The following RCAN1 variants were observed in gnomAD, a reference collection of about 807,000 sequenced individuals.
RCAN1 encodes regulator of calcineurin 1.
Under a neutral mutation model 22.9 loss-of-function variants are expected in RCAN1, and 11 were observed. The ratio of observed to expected loss-of-function variants is 0.48; its 90% CI spans 0.30 to 0.79. RCAN1 has a LOEUF of 0.79. Ranked by LOEUF, RCAN1 falls within the 30% of genes least tolerant of loss-of-function variation. RCAN1 has a pLI of 0.06. For synonymous variants in RCAN1, 136 were observed against 142.3 expected (o/e 0.96, Z 0.32); for missense variants, 291 against 337.8 (o/e 0.86, Z 1.09).
At chr21:34,575,228 T>A (rs1373850876) in intron 1 of RCAN1, among the ~76,000 whole-genome samples, 1 of 152,210 alleles carries the variant, frequency 6.6e-6, no homozygotes. Flanking sequence ...GCCTGCACAG[T>A]GTGCATCACA....
intron 1 of RCAN1, among the ~76,000 whole-genome samples, chr21:34,539,794 A>G (rs901926460): frequency 6.6e-6 from 1 of 152,228 alleles, no homozygotes; most frequent in Non-Finnish European, 1.5e-5. Flanking sequence ...AGTGCTAGTT[A>G]TTGAAAGAAT....
chr21:34,552,168 C>T (rs758080314), intron 1 of RCAN1, among the ~76,000 whole-genome samples: 40 of 152,124 alleles, frequency 2.6e-4, no homozygotes, highest in Non-Finnish European at 1.0e-4. Flanking sequence ...AGGCACGATA[C>T]CCTTTAGGGT....
At chr21:34,608,333 TA>T (rs1214449103) in intron 1 of RCAN1, among the ~76,000 whole-genome samples, 2 of 152,178 alleles carry the variant, frequency 1.3e-5, no homozygotes, top group Non-Finnish European at 2.9e-5. Flanking sequence ...CACCCTTTTG[TA>T]ATTCCCTCTC....
intron 1 of RCAN1, among the ~76,000 whole-genome samples, chr21:34,541,013 C>T (rs974309213): frequency 6.6e-6 from 1 of 152,188 alleles, no homozygotes; most frequent in Non-Finnish European, 1.5e-5. Flanking sequence ...ACAGTGAAAT[C>T]AATCAAGAAA....
chr21:34,556,812 A>G (rs1296423192), intron 1 of RCAN1, among the ~76,000 whole-genome samples: 1 of 152,236 alleles, frequency 6.6e-6, no homozygotes, highest in African/African-American at 2.4e-5. Context: ...TACTGAGCCC[A>G]GTGGTGTGAC....
chr21:34,538,371 T>C (rs1985770465), intron 1 of RCAN1, among the ~76,000 whole-genome samples: 1 of 152,116 alleles, frequency 6.6e-6, no homozygotes, highest in African/African-American at 2.4e-5. Context: ...TCCCTGTTGG[T>C]CCAAGCCACC....
At chr21:34,561,493 A>G (rs1986788517) in intron 1 of RCAN1, among the ~76,000 whole-genome samples, 2 of 152,186 alleles carry the variant, frequency 1.3e-5, no homozygotes, top group Non-Finnish European at 2.9e-5. Context: ...CTTATTTTAG[A>G]TATTATTCTA....
chr21:34,520,818 C>T (rs1026943288), intron 3 of RCAN1, among the ~76,000 whole-genome samples: 53 of 152,346 alleles, frequency 3.5e-4, no homozygotes, highest in African/African-American at 1.1e-3. Context: ...GCCTTTCACT[C>T]GATGATCTCA....
At chr21:34,526,882 G>A in intron 1 of RCAN1, 2 of 1,450,018 alleles carry the variant, frequency 1.4e-6, no homozygotes, top group Non-Finnish European at 1.8e-6. Flanking sequence ...CACTCCCTGG[G>A]GAAAAAAAAA....
At chr21:34,574,987 G>T (rs1328015902) in intron 1 of RCAN1, among the ~76,000 whole-genome samples, 5 of 149,908 alleles carry the variant, frequency 3.3e-5, no homozygotes, top group Non-Finnish European at 7.4e-5. Flanking sequence ...AAATGTCAAC[G>T]CATGGCTGAT....
chr21:34,595,494 A>T (rs2284604), intron 1 of RCAN1, among the ~76,000 whole-genome samples: 10,451 of 152,298 alleles, frequency 0.069, 451 homozygotes, highest in East Asian at 0.15. Context: ...GCTCTCTGCT[A>T]AGAGTGTACA....
At chr21:34,585,890 G>A (rs1568923808) in intron 1 of RCAN1, among the ~76,000 whole-genome samples, 2 of 151,406 alleles carry the variant, frequency 1.3e-5, no homozygotes, top group Non-Finnish European at 2.9e-5. Flanking sequence ...AACCAAACAA[G>A]AGCTGGCACA....
chr21:34,562,857 A>T (rs985272317), intron 1 of RCAN1, among the ~76,000 whole-genome samples: 6 of 152,240 alleles, frequency 3.9e-5, no homozygotes, highest in African/African-American at 1.4e-4. Context: ...AACGCACAGT[A>T]GGATATTCTT....
In RCAN1 at chr21:34,614,441, AG is replaced by A; in HGVS notation, c.252+318del. 2 of 1,009,296 alleles carry A rather than the reference AG, an allele frequency of 2.0e-6. No individual in the cohort carries two copies. Among genetic ancestry groups the A allele is most frequent in the Non-Finnish European group, 2.4e-6 (2 of 845,956 alleles). 62.5% of individuals were successfully genotyped at this position (1,009,296 alleles called of 1,614,324 possible). A position where few individuals can be genotyped will look rare whatever the true frequency, so the allele number is the denominator to read the frequency against. On this transcript the variant is annotated intron_variant, in intron 1 of 3. Transcript: ENST00000313806. The surrounding 1 kb of genome is among the most constrained non-coding windows in gnomAD (Gnocchi z 6.0). The stretch of plus-strand genomic sequence containing the variant: ...AAATGCGGGGCGATGGCGAGAGCGC[AG>A]GGGGCGGCGGCGCTGCCCCACCTTG...
At chr21:34,604,126 G>A (rs547180263) in intron 1 of RCAN1, among the ~76,000 whole-genome samples, 12 of 152,152 alleles carry the variant, frequency 7.9e-5, no homozygotes, top group African/African-American at 2.7e-4. Flanking sequence ...GACAGAATCC[G>A]TCTTGGGGTC....
Position 34,543,336 on chromosome 21 carries a change from T to G in RCAN1, c.253-19626A>C, listed in dbSNP as rs976393411. Among the ~76,000 whole-genome samples, 7 of 152,122 alleles carry G rather than the reference T, an allele frequency of 4.6e-5. No individual in the cohort carries two copies. The East Asian group carries it at 1.3e-3, about 29-fold the overall frequency. ...CTTTATAAGCAGGATATGGCAGGGC[T>G]GGAGTCGGAGATGGAGACAGGATGA... On this transcript the variant is annotated intron_variant, in intron 1 of 3. Coordinates refer to ENST00000313806, the MANE Select transcript of RCAN1 (RefSeq NM_004414.7).
chr21:34,518,750 G>A lies in RCAN1; in HGVS notation c.587-494C>T, dbSNP rs1327909219. Among the ~76,000 whole-genome samples, 1 of 152,238 alleles carries A rather than the reference G, an allele frequency of 6.6e-6. No homozygotes were observed. The highest frequency in any genetic ancestry group is 2.4e-5 in the African/African-American group (1 of 41,474). ...AGGCCCTGCAGCAGACGCAGGGGTG[G>A]CTGCACGGAGCCAGGTGCTCTGGAA... On this transcript the variant is annotated intron_variant, in intron 3 of 3. Coordinates refer to ENST00000313806, the MANE Select transcript of RCAN1 (RefSeq NM_004414.7). This position sits in a 1 kb window ranked among gnomAD's most constrained non-coding sequence, Gnocchi z 4.2.
At chr21:34,590,268 G>A (rs913393386) in intron 1 of RCAN1, among the ~76,000 whole-genome samples, 6 of 152,144 alleles carry the variant, frequency 3.9e-5, no homozygotes, top group Non-Finnish European at 7.3e-5. Flanking sequence ...AGCAGCAATC[G>A]CAATCTAATA....
intron 1 of RCAN1, among the ~76,000 whole-genome samples, chr21:34,573,418 G>A (rs1987301649): frequency 6.6e-6 from 1 of 152,126 alleles, no homozygotes; most frequent in Non-Finnish European, 1.5e-5. Flanking sequence ...TACCATGCTT[G>A]CCTTGCCAAA....
Sources: allele counts gnomAD v4.1 joint callset (sites outside exome capture counted in the v4.1 genomes callset), GRCh38; gene constraint gnomAD v4.1.1; non-coding constraint Gnocchi (gnomAD v3.1); transcripts MANE v1.5; gene names NCBI Gene and HGNC (gene_info 2026-07-23, HGNC 2026-07-21).